The following HIVEP2 variants were observed in gnomAD, a reference collection of about 807,000 sequenced individuals.
The protein encoded by HIVEP2 is transcription factor HIVEP2.
HIVEP2 carries 14 observed loss-of-function variants against 180.7 expected under a neutral mutation model. The ratio of observed to expected loss-of-function variants is 0.08; its 90% confidence interval spans 0.05 to 0.12. HIVEP2 has a LOEUF of 0.12. Among genes scored for constraint, HIVEP2 ranks in the 10% least tolerant of loss-of-function variants. The pLI is 1.00. For missense variants in HIVEP2, 2,579 were observed against 3,008.5 expected (o/e 0.86, Z 3.34); for synonymous variants, 1,184 against 1,136.4 (o/e 1.04, Z -0.84).
chr6:142,941,349 A>G (rs965806890), intron 1 of HIVEP2, among the ~76,000 whole-genome samples: 3 of 152,354 alleles, frequency 2.0e-5, no homozygotes, highest in African/African-American at 7.2e-5. Flanking sequence ...TCATAGCTAC[A>G]AATACTGGCT....
chr6:142,770,290 G>A lies in HIVEP2; in HGVS notation c.4449C>T (p.Ile1483=). 6.2e-7 allele frequency: 1 copy of A among 1,614,166 alleles called. No homozygotes were observed. The highest frequency in any genetic ancestry group is 8.5e-7 in the Non-Finnish European group (1 of 1,180,032). Residue 1483 remains isoleucine (I), a synonymous_variant, in exon 5 of 10, where the codon ATC becomes ATT. Coordinates refer to ENST00000367603, the MANE Select transcript of HIVEP2 (RefSeq NM_006734.4). The surrounding 1 kb of genome is among the most constrained non-coding windows in gnomAD (Gnocchi z 4.7). ...LSAVELTNSD[I]KKDLSRPQKP... is the part of the protein sequence containing the mutation. ...TCTGGGGGCGGGAGAGGTCCTTTTT[G>A]ATGTCTGAGTTGGTCAGCTCCACAG... is the stretch of plus-strand genomic sequence containing the variant.
At chr6:142,902,783 C>G (rs1777162745) in intron 1 of HIVEP2, among the ~76,000 whole-genome samples, 1 of 152,190 alleles carries the variant, frequency 6.6e-6, no homozygotes, top group Non-Finnish European at 1.5e-5. Context: ...CTACAATGCT[C>G]AGGAACTTCT....
At position 142,771,993 on chromosome 6, in the gene HIVEP2, C is replaced by T. The variant is rs1416873645; in HGVS notation, c.2746G>A (p.Glu916Lys). 6.2e-7 allele frequency: 1 copy of T among 1,614,202 alleles called. No homozygotes were observed. The highest frequency in any genetic ancestry group is 1.7e-5 in the Admixed American group (1 of 60,028). ...AQSKEPEKPVEEFQWPQRSET... is the reference protein window; with the variant it reads ...AQSKEPEKPVKEFQWPQRSET... Reference sequence around the variant, plus strand: ...CTTCTCTGGGGCCACTGAAATTCTTCCACAGGCTTCTCTGGCTCTTTGCTC... The same window carrying T: ...CTTCTCTGGGGCCACTGAAATTCTTTCACAGGCTTCTCTGGCTCTTTGCTC... The change falls in exon 5 of 10, where the codon GAA (glutamate) becomes AAA (lysine). Residue 916 changes from glutamate to lysine, a missense_variant. Glu to Lys is a moderately conservative substitution (Grantham distance 56). This residue lies in a region of HIVEP2 where 51 missense variants were observed against 102.8 expected (regional missense o/e 0.50). Coordinates refer to ENST00000367603, the MANE Select transcript of HIVEP2 (RefSeq NM_006734.4). This position sits in a 1 kb window ranked among gnomAD's most constrained non-coding sequence, Gnocchi z 5.4.
At chr6:142,789,509 T>C (rs775450634) in intron 2 of HIVEP2, among the ~76,000 whole-genome samples, 19 of 152,344 alleles carry the variant, frequency 1.2e-4, no homozygotes, top group Non-Finnish European at 2.6e-4. Flanking sequence ...CTAAATCATA[T>C]AGGCAGTGTT....
intron 1 of HIVEP2, among the ~76,000 whole-genome samples, chr6:142,924,568 G>A (rs993019897): frequency 2.6e-5 from 4 of 152,144 alleles, no homozygotes; most frequent in African/African-American, 9.7e-5. Flanking sequence ...CAGTTAAGAG[G>A]AAAAACATCT....
chr6:142,940,739 T>A (rs984778348), intron 1 of HIVEP2, among the ~76,000 whole-genome samples: 2 of 152,204 alleles, frequency 1.3e-5, no homozygotes, highest in African/African-American at 4.8e-5. Context: ...AGAGAGTGAA[T>A]TGCATTGACC....
intron 1 of HIVEP2, among the ~76,000 whole-genome samples, chr6:142,868,293 CGTACA>C (rs1454618059): frequency 6.6e-6 from 1 of 152,106 alleles, no homozygotes; most frequent in Non-Finnish European, 1.5e-5. Context: ...TTCCTTTTAC[CGTACA>C]GTAAATTCCT....
chr6:142,845,933 G>A (rs12210301), intron 1 of HIVEP2, among the ~76,000 whole-genome samples: 26,989 of 152,246 alleles, frequency 0.18, 2,591 homozygotes, highest in South Asian at 0.22. Flanking sequence ...ACTTGTGGCT[G>A]AGACAAAGGC....
At chr6:142,910,421 T>G (rs1777372276) in intron 1 of HIVEP2, among the ~76,000 whole-genome samples, 1 of 152,026 alleles carries the variant, frequency 6.6e-6, no homozygotes, top group African/African-American at 2.4e-5. Flanking sequence ...GCCAACATGG[T>G]GAAACCCCAT....
At chr6:142,803,791 GAC>G (rs1776475988) in intron 2 of HIVEP2, among the ~76,000 whole-genome samples, 1 of 152,178 alleles carries the variant, frequency 6.6e-6, no homozygotes, top group Non-Finnish European at 1.5e-5. Flanking sequence ...CACTCCCTGA[GAC>G]ACAGAGAGAT....
At chr6:142,826,559 C>CGTAAA (rs1774908841) in intron 2 of HIVEP2, among the ~76,000 whole-genome samples, 1 of 152,180 alleles carries the variant, frequency 6.6e-6, no homozygotes, top group African/African-American at 2.4e-5. Flanking sequence ...TCTAATAAAA[C>CGTAAA]ATTTTACCAC....
chr6:142,918,908 C>T (rs1777625404), intron 1 of HIVEP2, among the ~76,000 whole-genome samples: 2 of 152,306 alleles, frequency 1.3e-5, no homozygotes, highest in South Asian at 4.1e-4. Context: ...AATATTAACA[C>T]CTGTAGTTAA....
chr6:142,818,004 T>C (rs1233235008), intron 2 of HIVEP2, among the ~76,000 whole-genome samples: 12 of 128,536 alleles, frequency 9.3e-5, no homozygotes, highest in African/African-American at 1.5e-4. Context: ...AGACTCTGTC[T>C]CAAAAAAAAA....
At chr6:142,821,456 C>T (rs1363998057) in intron 2 of HIVEP2, among the ~76,000 whole-genome samples, 2 of 152,186 alleles carry the variant, frequency 1.3e-5, no homozygotes, top group African/African-American at 2.4e-5. Context: ...CCCATCTCTG[C>T]CACTTGCCAG....
chr6:142,865,321 G>T lies in HIVEP2; in HGVS notation c.-640-28274C>A, dbSNP rs990957132. Among the ~76,000 whole-genome samples, 14 of 152,036 alleles carry T rather than the reference G, an allele frequency of 9.2e-5. No homozygotes were observed. The East Asian group carries it at 2.5e-3, about 27-fold the overall frequency. On this transcript the variant is annotated intron_variant, in intron 1 of 9. Transcript: ENST00000367603. The stretch of plus-strand genomic sequence containing the variant: ...GGATGATGCACATTAATGCTGTCAG[G>T]AGCATTTTAAGAAAATGCTGAGTGA...
At chr6:142,827,205 A>G (rs1370060982) in intron 2 of HIVEP2, among the ~76,000 whole-genome samples, 1 of 152,224 alleles carries the variant, frequency 6.6e-6, no homozygotes, top group Non-Finnish European at 1.5e-5. Flanking sequence ...GGTTGGCTAT[A>G]TAATTGCTTG....
At chr6:142,902,620 C>T (rs1777159901) in intron 1 of HIVEP2, among the ~76,000 whole-genome samples, 1 of 152,156 alleles carries the variant, frequency 6.6e-6, no homozygotes, top group South Asian at 2.1e-4. Flanking sequence ...AGTATGACAT[C>T]TTCAAATGGT....
intron 1 of HIVEP2, among the ~76,000 whole-genome samples, chr6:142,885,149 T>G (rs1224726300): frequency 6.6e-6 from 1 of 152,110 alleles, no homozygotes; most frequent in Non-Finnish European, 1.5e-5. Flanking sequence ...CTCAGTGCCT[T>G]CTCCAGTCAA....
At chr6:142,810,078 A>G (rs1776652965) in intron 2 of HIVEP2, among the ~76,000 whole-genome samples, 1 of 152,112 alleles carries the variant, frequency 6.6e-6, no homozygotes, top group South Asian at 2.1e-4. Context: ...TACCCTCTCT[A>G]GGCTGATTTC....
Sources: allele counts gnomAD v4.1 joint callset (sites outside exome capture counted in the v4.1 genomes callset), GRCh38; gene constraint gnomAD v4.1.1; regional missense constraint gnomAD v4.1.1; non-coding constraint Gnocchi (gnomAD v3.1); transcripts MANE v1.5; gene names NCBI Gene and HGNC (gene_info 2026-07-23, HGNC 2026-07-21).